Variants in RIMS1 observed in about 807,000 individuals in gnomAD.
RIMS1 encodes the protein regulating synaptic membrane exocytosis protein 1.
A neutral mutation model predicts 214.1 loss-of-function variants in RIMS1; 83 were observed. That is an observed-to-expected ratio of 0.39 (90% CI 0.32 to 0.47). The LOEUF is 0.47. Among genes scored for constraint, RIMS1 ranks in the 20% least tolerant of loss-of-function variants. RIMS1 has a pLI of 0.99. For missense variants in RIMS1, 2,050 were observed against 2,161.8 expected (o/e 0.95, Z 1.03); for synonymous variants, 793 against 786.8 (o/e 1.01, Z -0.13).
intron 2 of RIMS1, among the ~76,000 whole-genome samples, chr6:72,024,445 G>A (rs1436565095): frequency 6.6e-6 from 1 of 152,110 alleles, no homozygotes; most frequent in South Asian, 2.1e-4. Flanking sequence ...TTATTATGAA[G>A]ATTAAATGAA....
chr6:71,912,700 G>A (rs1777282510), intron 1 of RIMS1, among the ~76,000 whole-genome samples: 1 of 152,030 alleles, frequency 6.6e-6, no homozygotes, highest in African/African-American at 2.4e-5. Context: ...ATGAACACAA[G>A]CTTAAACATT....
rs1338286539 is a variant in RIMS1, at chr6:72,162,012, A to G, written c.472-17563A>G. ...GTGTTAAATCTCCCATTATTATTGTATGGGAGTCTAAGTCTCTTTGTAGGT... is the reference window on the plus strand; with the variant it reads ...GTGTTAAATCTCCCATTATTATTGTGTGGGAGTCTAAGTCTCTTTGTAGGT... On this transcript the variant is annotated intron_variant, in intron 4 of 33. Coordinates refer to ENST00000521978, the MANE Select transcript of RIMS1 (RefSeq NM_014989.7). 6.4e-5 allele frequency among the ~76,000 whole-genome samples: 9 copies of G among 140,032 alleles called. 1 individual carries two copies. Among genetic ancestry groups the G allele is most frequent in the Non-Finnish European group, 9.7e-5 (6 of 61,652 alleles). The allele number at this position is 140,032 out of a possible 152,430, so 91.9% of individuals were successfully genotyped here. A position where few individuals can be genotyped will look rare whatever the true frequency, so the allele number is the denominator to read the frequency against.
chr6:71,983,565 T>G (rs1799058442), intron 2 of RIMS1, among the ~76,000 whole-genome samples: 1 of 152,156 alleles, frequency 6.6e-6, no homozygotes, highest in Non-Finnish European at 1.5e-5. Flanking sequence ...AAGTAAATTC[T>G]CAGTTAAAAG....
At chr6:72,384,927 T>C (rs2098557797) in intron 29 of RIMS1, among the ~76,000 whole-genome samples, 2 of 152,230 alleles carry the variant, frequency 1.3e-5, no homozygotes, top group South Asian at 4.1e-4. Context: ...ATATAACACA[T>C]ATCTCTAAAT....
intron 2 of RIMS1, among the ~76,000 whole-genome samples, chr6:72,008,664 G>A (rs1428947205): frequency 6.6e-6 from 1 of 151,996 alleles, no homozygotes; most frequent in Non-Finnish European, 1.5e-5. Flanking sequence ...AAAAGGCAGG[G>A]GTTGCAATCC....
At chr6:72,302,655 T>C (rs2094742569) in intron 26 of RIMS1, among the ~76,000 whole-genome samples, 1 of 151,604 alleles carries the variant, frequency 6.6e-6, no homozygotes, top group Non-Finnish European at 1.5e-5. Context: ...GGAGCTCTCA[T>C]TGTGTTGCTA....
At chr6:72,311,982 A>G (rs910856414) in intron 27 of RIMS1, among the ~76,000 whole-genome samples, 1 of 152,216 alleles carries the variant, frequency 6.6e-6, no homozygotes, top group Non-Finnish European at 1.5e-5. Flanking sequence ...AAAAACAAGA[A>G]CAGAACTCAC....
At chr6:71,946,826 A>G (rs1787957552) in intron 1 of RIMS1, among the ~76,000 whole-genome samples, 2 of 152,138 alleles carry the variant, frequency 1.3e-5, no homozygotes, top group Non-Finnish European at 2.9e-5. Flanking sequence ...CACAGCCAAG[A>G]GAACAATAAA....
At position 72,333,691 on chromosome 6, in the gene RIMS1, C is replaced by G. The variant is rs1248871069; in HGVS notation, c.4222C>G (p.Leu1408Val). ...CAGTGTCAGTGGAGAGATGTACACA[C>G]TGGAGCATAATGACGGCAGCCAGTC... ...STSVSGEMYT[L>V]EHNDGSQSDT... The change falls in exon 29 of 34, where the codon CTG (leucine) becomes GTG (valine). Residue 1408 changes from leucine to valine, a missense_variant. Coordinates refer to ENST00000521978, the MANE Select transcript of RIMS1 (RefSeq NM_014989.7). 5 of 1,594,910 alleles carry G rather than the reference C, an allele frequency of 3.1e-6. No homozygotes were observed. The highest frequency in any genetic ancestry group is 4.3e-6 in the Non-Finnish European group (5 of 1,170,702).
chr6:72,040,910 TGTCCCTACAACC>T (rs1821253999), intron 2 of RIMS1, among the ~76,000 whole-genome samples: 1 of 151,908 alleles, frequency 6.6e-6, no homozygotes, highest in African/African-American at 2.4e-5. Context: ...ATATTTGGTG[TGTCCCTACAACC>T]CTACAACCCC....
In RIMS1 at chr6:72,267,939, A is replaced by T. The variant is rs186745074; in HGVS notation, c.3398+1890A>T. On this transcript the variant is annotated intron_variant, in intron 22 of 33. Transcript: ENST00000521978. ...CACTCTACATATTGAATAAAAAGGAATTTTTCATTTAAAAACTCAATGAAA... is the reference window on the plus strand; with the variant it reads ...CACTCTACATATTGAATAAAAAGGATTTTTTCATTTAAAAACTCAATGAAA... 8.5e-5 allele frequency among the ~76,000 whole-genome samples: 13 copies of T among 152,286 alleles called. 1 individual carries two copies. In the East Asian group the frequency reaches 2.5e-3, roughly 29 times the overall value.
intron 6 of RIMS1, among the ~76,000 whole-genome samples, chr6:72,198,292 A>G (rs1181158962): frequency 6.6e-6 from 1 of 151,448 alleles, no homozygotes; most frequent in Non-Finnish European, 1.5e-5. Context: ...AAATCCTCTT[A>G]TTTGCAGTAA....
rs895999864 is a variant in RIMS1, at chr6:72,337,212, A to C, written c.4366+3377A>C. Among the ~76,000 whole-genome samples, 35 of 151,756 alleles carry C rather than the reference A, an allele frequency of 2.3e-4. 1 individual carries two copies. The highest frequency in any genetic ancestry group is 2.9e-5 in the Non-Finnish European group (2 of 67,840). On this transcript the variant is annotated intron_variant, in intron 29 of 33. Transcript: ENST00000521978. ...TTGGGTTTTAAAATGTAAAGTTTTT[A>C]ATCTCTGTTGATTTTAGTGGCCCAG...
chr6:72,178,565 A>C (rs952859628), intron 4 of RIMS1, among the ~76,000 whole-genome samples: 2 of 152,198 alleles, frequency 1.3e-5, no homozygotes, highest in African/African-American at 4.8e-5. Flanking sequence ...GTAGTTTCTG[A>C]AGTAGAAACA....
intron 29 of RIMS1, among the ~76,000 whole-genome samples, chr6:72,335,608 A>T (rs556897463): frequency 1.4e-4 from 21 of 152,118 alleles, no homozygotes; most frequent in Admixed American, 4.6e-4. Context: ...TTGCTGGGTC[A>T]AATGGTATTT....
At chr6:72,371,748 C>A (rs988778883) in intron 29 of RIMS1, among the ~76,000 whole-genome samples, 2 of 151,250 alleles carry the variant, frequency 1.3e-5, no homozygotes, top group Non-Finnish European at 3.0e-5. Flanking sequence ...GATAGACGAG[C>A]CCCTTAGCCA....
intron 29 of RIMS1, among the ~76,000 whole-genome samples, chr6:72,383,204 T>C (rs2098523003): frequency 6.6e-6 from 1 of 152,128 alleles, no homozygotes; most frequent in East Asian, 1.9e-4. Context: ...ATACATAAAG[T>C]TAAATACATA....
intron 24 of RIMS1, among the ~76,000 whole-genome samples, chr6:72,288,914 A>G (rs557920726): frequency 1.3e-5 from 2 of 152,336 alleles, no homozygotes; most frequent in African/African-American, 4.8e-5. Flanking sequence ...CTAAACGATT[A>G]ACCTCAAACA....
intron 4 of RIMS1, among the ~76,000 whole-genome samples, chr6:72,177,577 T>C (rs766987948): frequency 2.4e-4 from 36 of 152,220 alleles, no homozygotes; most frequent in Non-Finnish European, 4.3e-4. Context: ...TAAATGATGA[T>C]AATAAGTTGC....
Sources: gnomAD v4.1 joint callset for allele counts (sites outside exome capture counted in the v4.1 genomes callset) on GRCh38, gnomAD v4.1.1 for gene constraint, MANE v1.5 for transcripts, NCBI Gene and HGNC (gene_info 2026-07-23, HGNC 2026-07-21) for gene names.